The following LIN54 variants were observed in gnomAD, a reference collection of about 807,000 sequenced individuals.
LIN54 encodes the protein protein lin-54 homolog.
LIN54 carries 9 observed loss-of-function variants against 78.7 expected under a neutral mutation model. The ratio of observed to expected loss-of-function variants is 0.11; its 90% CI spans 0.07 to 0.20. LIN54 has a LOEUF of 0.20. LIN54 is among the 10% of genes least tolerant of loss of function. The probability of loss-of-function intolerance (pLI) is 1.00; values close to 1 mark genes in which losing one functional copy is unlikely to be tolerated. For synonymous variants in LIN54, 269 were observed against 318.4 expected, an observed-to-expected ratio of 0.84 and a Z score of 1.65; for missense variants, 573 against 889.9, an observed-to-expected ratio of 0.64 and a Z score of 4.53.
At chr4:82,947,382 C>T (rs962312074) in intron 4 of LIN54, among the ~76,000 whole-genome samples, 10 of 143,980 alleles carry the variant, frequency 6.9e-5, no homozygotes, top group Non-Finnish European at 1.2e-4. Context: ...ACAGGTACCA[C>T]GCCCAGTTAA....
intron 4 of LIN54, among the ~76,000 whole-genome samples, chr4:82,961,963 A>G (rs1724836510): frequency 6.6e-6 from 1 of 152,080 alleles, no homozygotes; most frequent in African/African-American, 2.4e-5. Flanking sequence ...CTCAAAAAAA[A>G]AAAAAAAGAA....
intron 12 of LIN54, among the ~76,000 whole-genome samples, chr4:82,930,352 T>C (rs948635811): frequency 6.6e-6 from 1 of 152,228 alleles, no homozygotes; most frequent in Non-Finnish European, 1.5e-5. Flanking sequence ...GGAGATATTA[T>C]AGACATGCCT....
intron 1 of LIN54, among the ~76,000 whole-genome samples, chr4:82,988,725 T>A (rs1000718553): frequency 6.6e-6 from 1 of 152,346 alleles, no homozygotes; most frequent in African/African-American, 2.4e-5. Flanking sequence ...GTCAGTCTTC[T>A]GTTGGTCTTT....
chr4:82,936,248 C>A, intron 10 of LIN54, 31 bp downstream of exon 10: 2 of 1,516,508 alleles, frequency 1.3e-6, no homozygotes, highest in South Asian at 1.2e-5. Context: ...CTGGATATTT[C>A]TGTCAGTTAA....
At chr4:82,970,950 CTGATT>C (rs34803099) in intron 3 of LIN54, among the ~76,000 whole-genome samples, 63,595 of 151,520 alleles carry the variant, frequency 0.42, 16,470 homozygotes, top group Admixed American at 0.58. Context: ...TTAATACTAC[CTGATT>C]TTAGACTGCC....
intron 1 of LIN54, among the ~76,000 whole-genome samples, chr4:82,999,127 T>G (rs373765423): frequency 6.6e-6 from 1 of 152,222 alleles, no homozygotes; most frequent in East Asian, 1.9e-4. Flanking sequence ...CAGTAAATTG[T>G]GTATTGCAGT....
intron 5 of LIN54, among the ~76,000 whole-genome samples, chr4:82,942,165 G>C (rs1722959828): frequency 6.6e-6 from 1 of 152,048 alleles, no homozygotes; most frequent in African/African-American, 2.4e-5. Flanking sequence ...GGTGGGGACT[G>C]GAAGGATGAT....
At chr4:82,971,331 T>C (rs1228833469) in intron 3 of LIN54, among the ~76,000 whole-genome samples, 1 of 150,624 alleles carries the variant, frequency 6.6e-6, no homozygotes, top group African/African-American at 2.5e-5. Flanking sequence ...AGACGAGTTA[T>C]GAGTAGAAGT....
At chr4:82,928,359 G>T in intron 12 of LIN54, 56 bp from the exon 13 acceptor site, 1 of 1,330,544 alleles carries the variant, frequency 7.5e-7, no homozygotes, top group Non-Finnish European at 1.1e-6. Flanking sequence ...CAACAAAAGT[G>T]GATAACATTC....
intron 4 of LIN54, among the ~76,000 whole-genome samples, chr4:82,965,833 A>G (rs1725157552): frequency 1.3e-5 from 2 of 152,154 alleles, no homozygotes; most frequent in South Asian, 4.1e-4. Context: ...TAGCAGTGAG[A>G]CTGTTGAGTG....
In LIN54 at chr4:82,984,621, T is replaced by C; in HGVS notation, c.224A>G (p.Gln75Arg). The C allele has an allele frequency of 6.2e-7, 1 of 1,614,214 alleles. No individual in the cohort carries two copies. Among genetic ancestry groups the C allele is most frequent in the East Asian group, 2.2e-5 (1 of 44,892 alleles). Residue 75 changes from glutamine (Q) to arginine (R), a missense_variant, in exon 2 of 13, where the codon CAA becomes CGA. Around this residue, in one of 6 missense-constraint regions of LIN54, gnomAD observed 183 missense variants for 228.4 expected, o/e 0.80. Transcript: ENST00000340417. ...AGTAATTGTGGTATTCACTGCAACT[T>C]GGTTAGTGTGGTTACTGTACACTGT... ...PITVYSNHTNQVAVNTTITKA... is the reference protein window; with the variant it reads ...PITVYSNHTNRVAVNTTITKA...
chr4:83,008,765 AT>A (rs1316448933), intron 1 of LIN54, among the ~76,000 whole-genome samples: 1 of 152,206 alleles, frequency 6.6e-6, no homozygotes, highest in East Asian at 1.9e-4. Context: ...TTCTTGCTTC[AT>A]TTCTAACACA....
At chr4:83,006,415 C>T (rs1315497247) in intron 1 of LIN54, among the ~76,000 whole-genome samples, 1 of 146,138 alleles carries the variant, frequency 6.8e-6, no homozygotes, top group Non-Finnish European at 1.5e-5. Context: ...CACCACTGCA[C>T]TTCAGCCTGA....
In LIN54 at chr4:82,977,717, C is replaced by T. The variant is rs376553023; in HGVS notation, c.808+1166G>A. Reference sequence around the variant, plus strand: ...TTTGAGTACCCTCATCAAGAATACACAGTCTAGGGATGGGTAATTAGGATT... The same window carrying T: ...TTTGAGTACCCTCATCAAGAATACATAGTCTAGGGATGGGTAATTAGGATT... On this transcript the variant is annotated intron_variant, in intron 3 of 12. Transcript: ENST00000340417. 1.4e-4 allele frequency among the ~76,000 whole-genome samples: 21 copies of T among 152,282 alleles called. No individual in the cohort carries two copies. In the East Asian group the frequency reaches 3.3e-3, roughly 24 times the overall value.
Position 82,984,806 on chromosome 4 carries a change from T to C in LIN54, c.39A>G (p.Pro13=), listed in dbSNP as rs752075704. 10 of 1,613,580 alleles carry C rather than the reference T, an allele frequency of 6.2e-6. No homozygotes were observed. In the East Asian group the frequency reaches 1.8e-4, roughly 29 times the overall value. ...VVPAEVNSLL[P]EEIMDTGITL... ...TTATACCAGTGTCCATTATTTCCTC[T>C]GGAAGCAAACTATTCACCTCAGCTG... Residue 13 remains proline, a synonymous_variant, in exon 2 of 13, where the codon CCA becomes CCG. Transcript: ENST00000340417.
intron 3 of LIN54, among the ~76,000 whole-genome samples, chr4:82,972,273 GCA>G (rs1483685043): frequency 6.6e-6 from 1 of 151,796 alleles, no homozygotes; most frequent in African/African-American, 2.4e-5. Flanking sequence ...GCCCAGGCTG[GCA>G]CAGTTTCTTT....
chr4:82,950,749 C>A (rs971090478), intron 4 of LIN54, among the ~76,000 whole-genome samples: 6 of 152,024 alleles, frequency 3.9e-5, no homozygotes, highest in Non-Finnish European at 5.9e-5. Flanking sequence ...TAAGCCATTT[C>A]TTTTTACAGA....
At chr4:82,972,504 T>C (rs1362857570) in intron 3 of LIN54, among the ~76,000 whole-genome samples, 1 of 152,188 alleles carries the variant, frequency 6.6e-6, no homozygotes. Context: ...GTATTCAGCC[T>C]GCCTAAAGTA....
intron 1 of LIN54, among the ~76,000 whole-genome samples, chr4:82,988,703 A>G (rs371156252): frequency 6.6e-6 from 1 of 152,236 alleles, no homozygotes; most frequent in South Asian, 2.1e-4. Context: ...AGCCTCACCA[A>G]CAATTGGTAT....
Sources: allele counts gnomAD v4.1 joint callset (sites outside exome capture counted in the v4.1 genomes callset), GRCh38; gene constraint gnomAD v4.1.1; regional missense constraint gnomAD v4.1.1; transcripts MANE v1.5; gene names NCBI Gene and HGNC (gene_info 2026-07-23, HGNC 2026-07-21).